HS3ST4: variants seen among roughly 807,000 people sequenced by gnomAD.
HS3ST4 encodes heparan sulfate glucosamine 3-O-sulfotransferase 4.
A neutral mutation model predicts 29.2 loss-of-function variants in HS3ST4; 17 were observed. That is an observed-to-expected ratio of 0.58 (90% CI 0.40 to 0.87). HS3ST4 has a LOEUF of 0.87. HS3ST4 is among the 40% of genes least tolerant of loss of function. The pLI is 0.00. For missense variants in HS3ST4, 627 were observed against 634.5 expected (o/e 0.99, Z 0.13); for synonymous variants, 314 against 285.7 (o/e 1.10, Z -1.00).
intron 1 of HS3ST4, among the ~76,000 whole-genome samples, chr16:26,105,166 T>C (rs1899036900): frequency 6.6e-6 from 1 of 152,134 alleles, no homozygotes; most frequent in South Asian, 2.1e-4. Flanking sequence ...TATGCAGCCA[T>C]AGAAAAGAAC....
At chr16:26,081,541 A>G (rs1216159024) in intron 1 of HS3ST4, among the ~76,000 whole-genome samples, 2 of 152,154 alleles carry the variant, frequency 1.3e-5, no homozygotes, top group African/African-American at 4.8e-5. Flanking sequence ...CAGTCTGTCC[A>G]TTGATAAAGT....
intron 1 of HS3ST4, among the ~76,000 whole-genome samples, chr16:25,745,859 C>A (rs1966682012): frequency 6.6e-6 from 1 of 152,066 alleles, no homozygotes. Flanking sequence ...CATTTTTTCA[C>A]TTGGATTTGA....
chr16:25,914,307 ATG>A (rs1308129360), intron 1 of HS3ST4, among the ~76,000 whole-genome samples: 1 of 141,680 alleles, frequency 7.1e-6, no homozygotes, highest in African/African-American at 2.7e-5. Flanking sequence ...ATGTGTATGT[ATG>A]TGTGTATAGG....
intron 1 of HS3ST4, among the ~76,000 whole-genome samples, chr16:25,812,703 C>CT (rs11382075): frequency 0.67 from 97,602 of 146,568 alleles, 32,619 homozygotes; most frequent in African/African-American, 0.77. Flanking sequence ...AAAGTACTTC[C>CT]TTTTTTTTTT....
chr16:25,789,886 C>T (rs1409786007), intron 1 of HS3ST4, among the ~76,000 whole-genome samples: 1 of 152,158 alleles, frequency 6.6e-6, no homozygotes, highest in African/African-American at 2.4e-5. Flanking sequence ...TGAGATACAT[C>T]CAGTTGTAGT....
chr16:25,770,594 T>C (rs1418515195), intron 1 of HS3ST4, among the ~76,000 whole-genome samples: 1 of 152,052 alleles, frequency 6.6e-6, no homozygotes, highest in African/African-American at 2.4e-5. Flanking sequence ...GCAGACCAGG[T>C]GTGTGGAGTG....
chr16:26,084,011 C>G (rs1898755606), intron 1 of HS3ST4, among the ~76,000 whole-genome samples: 1 of 152,168 alleles, frequency 6.6e-6, no homozygotes, highest in African/African-American at 2.4e-5. Context: ...GCACAGCATG[C>G]TGAGGAACAG....
chr16:25,865,691 T>C (rs995730722), intron 1 of HS3ST4, among the ~76,000 whole-genome samples: 1 of 152,176 alleles, frequency 6.6e-6, no homozygotes, highest in Non-Finnish European at 1.5e-5. Flanking sequence ...TAGTTGATCC[T>C]TGACAAAGTT....
intron 1 of HS3ST4, among the ~76,000 whole-genome samples, chr16:25,802,343 T>TC (rs1284314498): frequency 6.6e-6 from 1 of 152,164 alleles, no homozygotes. Flanking sequence ...GTTATTCTTT[T>TC]CCTACATATC....
intron 1 of HS3ST4, among the ~76,000 whole-genome samples, chr16:25,946,035 G>A (rs973628366): frequency 2.6e-5 from 4 of 152,130 alleles, no homozygotes; most frequent in Non-Finnish European, 5.9e-5. Context: ...AATCCAGACA[G>A]TCTTTGCTTA....
Position 25,787,946 on chromosome 16 carries a change from C to T in HS3ST4, c.734+94795C>T, listed in dbSNP as rs373328353. Among the ~76,000 whole-genome samples, 166 of 152,256 alleles carry T rather than the reference C, an allele frequency of 1.1e-3. 1 individual carries two copies. The Middle Eastern group carries it at 0.017, about 16-fold the overall frequency. On this transcript the variant is annotated intron_variant, in intron 1 of 1. Coordinates refer to ENST00000331351, the MANE Select transcript of HS3ST4 (RefSeq NM_006040.3). ...TGCTTAGTTGGCAAAGTTTGGAATG[C>T]ATTGTGTACGTCATAGAATGTTAAA...
chr16:25,896,262 T>C (rs1968063328), intron 1 of HS3ST4, among the ~76,000 whole-genome samples: 1 of 152,174 alleles, frequency 6.6e-6, no homozygotes, highest in Non-Finnish European at 1.5e-5. Flanking sequence ...AAAATAATAG[T>C]ACAGGGTTCT....
chr16:25,932,883 A>G (rs1968479811), intron 1 of HS3ST4, among the ~76,000 whole-genome samples: 1 of 152,168 alleles, frequency 6.6e-6, no homozygotes, highest in Non-Finnish European at 1.5e-5. Context: ...GGGAAGGTGA[A>G]ATTTAGGTGC....
chr16:25,709,511 C>T (rs1484108938), intron 1 of HS3ST4, among the ~76,000 whole-genome samples: 3 of 152,152 alleles, frequency 2.0e-5, no homozygotes, highest in African/African-American at 7.2e-5. Flanking sequence ...TGCAATCTTT[C>T]CCCGAAGTAC....
intron 1 of HS3ST4, among the ~76,000 whole-genome samples, chr16:25,760,404 C>T (rs1051776653): frequency 1.4e-5 from 2 of 147,252 alleles, no homozygotes; most frequent in Non-Finnish European, 3.0e-5. Flanking sequence ...TGGATTAGGA[C>T]CCACCCTAAT....
At chr16:26,128,399 G>A (rs1899374727) in intron 1 of HS3ST4, among the ~76,000 whole-genome samples, 1 of 152,182 alleles carries the variant, frequency 6.6e-6, no homozygotes, top group African/African-American at 2.4e-5. Context: ...AAAGCAATTT[G>A]AGGTCCAGGG....
intron 1 of HS3ST4, among the ~76,000 whole-genome samples, chr16:25,714,907 G>T (rs957483822): frequency 6.6e-6 from 1 of 152,214 alleles, no homozygotes; most frequent in Non-Finnish European, 1.5e-5. Context: ...GAAAATGGAA[G>T]GAGTATGCAC....
At chr16:25,707,143 TA>T (rs1206239188) in intron 1 of HS3ST4, among the ~76,000 whole-genome samples, 2 of 152,236 alleles carry the variant, frequency 1.3e-5, no homozygotes, top group Non-Finnish European at 2.9e-5. Flanking sequence ...TATGTGTGAG[TA>T]ACCTTTACTT....
chr16:26,121,569 G>C (rs1899277585), intron 1 of HS3ST4, among the ~76,000 whole-genome samples: 1 of 152,202 alleles, frequency 6.6e-6, no homozygotes, highest in African/African-American at 2.4e-5. Flanking sequence ...GCAGGATGCA[G>C]GTGAGAAGGA....
Sources: allele counts gnomAD v4.1 joint callset (sites outside exome capture counted in the v4.1 genomes callset), GRCh38; gene constraint gnomAD v4.1.1; transcripts MANE v1.5; gene names NCBI Gene and HGNC (gene_info 2026-07-23, HGNC 2026-07-21).